SORCS2: variants seen among roughly 807,000 people sequenced by gnomAD.
SORCS2 encodes sortilin related VPS10 domain containing receptor 2.
Under a neutral mutation model 141.6 loss-of-function variants are expected in SORCS2, and 100 were observed. The ratio of observed to expected loss-of-function variants is 0.71; its 90% CI spans 0.60 to 0.83. The LOEUF is 0.83. SORCS2 is among the 40% of genes least tolerant of loss of function. The pLI is 0.00. For synonymous variants in SORCS2, 789 were observed against 676.9 expected, an observed-to-expected ratio of 1.17 and a Z score of -2.57; for missense variants, 1,646 against 1,560.2, an observed-to-expected ratio of 1.05 and a Z score of -0.93.
intron 2 of SORCS2, among the ~76,000 whole-genome samples, chr4:7,447,329 G>A (rs574939027): frequency 1.3e-5 from 2 of 152,270 alleles, no homozygotes. Context: ...GCCTTGCCTT[G>A]TGTGTAAAGA....
rs886345758 is a variant in SORCS2, at chr4:7,725,043, G to A, written c.2612-111G>A. 3.5e-6 allele frequency: 4 copies of A among 1,157,526 alleles called. No homozygotes were observed. In the African/African-American group the frequency reaches 6.4e-5, roughly 19 times the overall value. The allele number at this position is 1,157,526 out of a possible 1,614,324, so 71.7% of individuals were successfully genotyped here. ...TGGTGGTGGTGATGATAGTGGTAGT[G>A]GTGGTGGTGATGATAGCAATGAAGT... On this transcript the variant is annotated intron_variant, in intron 19 of 26. Coordinates refer to ENST00000507866, the MANE Select transcript of SORCS2 (RefSeq NM_020777.3).
In SORCS2 at chr4:7,400,799, A is replaced by G. The variant is rs1048226423; in HGVS notation, c.548+4444A>G. ...GATGGATGGACAGATAGATGAATGG[A>G]TTGATAGATGGATAGAAGAATGGAT... On this transcript the variant is annotated intron_variant, in intron 2 of 26. Transcript: ENST00000507866. 8.2e-5 allele frequency among the ~76,000 whole-genome samples: 12 copies of G among 145,558 alleles called. No individual in the cohort carries two copies. The East Asian group carries it at 2.6e-3, about 31-fold the overall frequency.
chr4:7,353,418 G>A (rs1468339213), intron 1 of SORCS2, among the ~76,000 whole-genome samples: 1 of 152,244 alleles, frequency 6.6e-6, no homozygotes, highest in African/African-American at 2.4e-5. Context: ...AAGGAGACAG[G>A]CACCCAGAGG....
At chr4:7,295,682 G>T (rs1717000880) in intron 1 of SORCS2, among the ~76,000 whole-genome samples, 1 of 152,236 alleles carries the variant, frequency 6.6e-6, no homozygotes, top group Non-Finnish European at 1.5e-5. Context: ...GGTGTGAACG[G>T]GACGGCACTC....
chr4:7,475,056 A>C (rs1730206221), intron 2 of SORCS2, among the ~76,000 whole-genome samples: 1 of 152,076 alleles, frequency 6.6e-6, no homozygotes, highest in Non-Finnish European at 1.5e-5. Flanking sequence ...CCTCCTCTTA[A>C]CTTGGTTCCA....
At chr4:7,512,541 C>T (rs927446284) in intron 2 of SORCS2, among the ~76,000 whole-genome samples, 1 of 152,124 alleles carries the variant, frequency 6.6e-6, no homozygotes, top group African/African-American at 2.4e-5. Flanking sequence ...CACTGGTCTA[C>T]AGCATAGATC....
chr4:7,434,234 A>G (rs1228363988), intron 2 of SORCS2: 5 of 1,613,478 alleles, frequency 3.1e-6, no homozygotes, highest in Non-Finnish European at 3.4e-6. Context: ...CCAGGCCCCA[A>G]GGACTCACAC....
chr4:7,287,669 A>T (rs184160663), intron 1 of SORCS2, among the ~76,000 whole-genome samples: 4 of 152,306 alleles, frequency 2.6e-5, no homozygotes, highest in African/African-American at 9.6e-5. Context: ...TTAAAAGGAG[A>T]TGACAATACT....
At chr4:7,461,166 A>T (rs930685817) in intron 2 of SORCS2, among the ~76,000 whole-genome samples, 2 of 114,040 alleles carry the variant, frequency 1.8e-5, no homozygotes, top group African/African-American at 7.0e-5. Context: ...TCTCTCCCCA[A>T]ATTAAATTAT....
intron 2 of SORCS2, among the ~76,000 whole-genome samples, chr4:7,467,699 TG>T (rs1256706040): frequency 2.0e-5 from 3 of 152,288 alleles, no homozygotes; most frequent in Admixed American, 2.0e-4. Context: ...CTCTGGCCTC[TG>T]GGGGAGATGC....
intron 4 of SORCS2, among the ~76,000 whole-genome samples, chr4:7,641,393 G>A (rs1004269581): frequency 2.0e-5 from 3 of 152,156 alleles, no homozygotes; most frequent in African/African-American, 7.2e-5. Context: ...CAGATCTCAT[G>A]AGAACTCACT....
intron 2 of SORCS2, among the ~76,000 whole-genome samples, chr4:7,496,987 A>T (rs6813094): frequency 6.6e-6 from 1 of 152,166 alleles, no homozygotes; most frequent in East Asian, 1.9e-4. Context: ...GGATGAAGCT[A>T]GGGTGGGTGC....
intron 1 of SORCS2, among the ~76,000 whole-genome samples, chr4:7,294,330 C>A (rs1196811278): frequency 6.6e-6 from 1 of 152,138 alleles, no homozygotes; most frequent in Non-Finnish European, 1.5e-5. Context: ...GAACAGGCAT[C>A]CTCTGGTGTA....
chr4:7,292,854 A>T (rs979248092), intron 1 of SORCS2, among the ~76,000 whole-genome samples: 2 of 152,222 alleles, frequency 1.3e-5, no homozygotes, highest in Admixed American at 1.3e-4. Flanking sequence ...TCTTTTCCAG[A>T]AGGCATTTAC....
intron 2 of SORCS2, among the ~76,000 whole-genome samples, chr4:7,491,851 G>A (rs1314143050): frequency 6.6e-6 from 1 of 152,186 alleles, no homozygotes; most frequent in Non-Finnish European, 1.5e-5. Flanking sequence ...TGGCCCAGAT[G>A]CCACAGTGGC....
At chr4:7,702,466 C>T (rs761644317) in intron 12 of SORCS2, among the ~76,000 whole-genome samples, 126 of 152,340 alleles carry the variant, frequency 8.3e-4, no homozygotes, top group Non-Finnish European at 1.2e-3. Context: ...ACCCTCCACC[C>T]CTCAGAGCCT....
At chr4:7,552,020 A>G (rs1713750019) in intron 3 of SORCS2, among the ~76,000 whole-genome samples, 2 of 152,336 alleles carry the variant, frequency 1.3e-5, no homozygotes, top group South Asian at 4.2e-4. Context: ...CACGGCTCAT[A>G]AATAGATGCC....
intron 1 of SORCS2, among the ~76,000 whole-genome samples, chr4:7,250,178 G>A (rs1266674586): frequency 2.0e-5 from 3 of 152,156 alleles, no homozygotes; most frequent in Non-Finnish European, 4.4e-5. Context: ...GGAGGCGGAG[G>A]TTGCAGTGAC....
intron 3 of SORCS2, among the ~76,000 whole-genome samples, chr4:7,583,364 C>A (rs1261559307): frequency 2.0e-5 from 3 of 152,150 alleles, no homozygotes; most frequent in Non-Finnish European, 2.9e-5. Flanking sequence ...TACACTCCTG[C>A]TAGAAAAAAA....
Sources: allele counts gnomAD v4.1 joint callset (sites outside exome capture counted in the v4.1 genomes callset), GRCh38; gene constraint gnomAD v4.1.1; transcripts MANE v1.5; gene names NCBI Gene and HGNC (gene_info 2026-07-23, HGNC 2026-07-21).